USP43: variants seen among roughly 807,000 people sequenced by gnomAD.
The protein encoded by USP43 is ubiquitin carboxyl-terminal hydrolase 43.
In USP43, 33 loss-of-function variants were observed where a neutral mutation model predicts 90.7. The ratio of observed to expected loss-of-function variants is 0.36; its 90% CI spans 0.28 to 0.49. The LOEUF (loss-of-function observed/expected upper bound fraction) is 0.49, where lower values mean the gene tolerates loss of function less well. Among genes scored for constraint, USP43 ranks in the 20% least tolerant of loss-of-function variants. The pLI, the probability that USP43 is intolerant of heterozygous loss-of-function variation, is 0.98. For missense variants in USP43, 1,274 were observed against 1,476.4 expected (o/e 0.86, Z 2.25); for synonymous variants, 598 against 615.8 (o/e 0.97, Z 0.43).
intron 14 of USP43, among the ~76,000 whole-genome samples, chr17:9,712,812 T>C (rs536930310): frequency 1.4e-4 from 20 of 145,278 alleles, no homozygotes; most frequent in African/African-American, 5.3e-4. Context: ...TTTGTTTGTT[T>C]GTTAATGCTT....
intron 7 of USP43, among the ~76,000 whole-genome samples, chr17:9,683,957 G>A (rs1480651609): frequency 6.6e-6 from 1 of 152,028 alleles, no homozygotes; most frequent in East Asian, 1.9e-4. Flanking sequence ...CTAACACGGT[G>A]AAACCCCATC....
intron 1 of USP43, among the ~76,000 whole-genome samples, chr17:9,654,024 C>T (rs944665758): frequency 6.6e-6 from 1 of 152,074 alleles, no homozygotes; most frequent in African/African-American, 2.4e-5. Context: ...ATGACACCTA[C>T]ATTAAAAGGA....
At chr17:9,720,780 G>A (rs1246014267) in intron 14 of USP43, among the ~76,000 whole-genome samples, 1 of 152,158 alleles carries the variant, frequency 6.6e-6, no homozygotes, top group Non-Finnish European at 1.5e-5. Flanking sequence ...GAGCCACCAC[G>A]CCCAGCCGGG....
At chr17:9,681,137 AATATATACTATATAAT>A (rs1914161268) in intron 6 of USP43, among the ~76,000 whole-genome samples, 4 of 104,914 alleles carry the variant, frequency 3.8e-5, no homozygotes, top group African/African-American at 2.2e-4. Context: ...TATACTATAT[AATATATACTATATAAT>A]ATATACTATA....
intron 5 of USP43, 45 bp downstream of exon 5, chr17:9,676,926 G>A: frequency 6.3e-7 from 1 of 1,595,346 alleles, no homozygotes; most frequent in Non-Finnish European, 8.6e-7. Context: ...ATGATAGAAT[G>A]CTAACTGAGC....
rs1567660782 is a variant in USP43, at chr17:9,681,185, CTATATAA to C, written c.1105+826_1105+832del. Among the ~76,000 whole-genome samples, 2 of 52,670 alleles carry C rather than the reference CTATATAA, an allele frequency of 3.8e-5. 1 individual carries two copies. The highest frequency in any genetic ancestry group is 2.3e-4 in the African/African-American group (2 of 8,690). The allele number at this position is 52,670 out of a possible 152,430, so 34.6% of individuals were successfully genotyped here. A position where few individuals can be genotyped will look rare whatever the true frequency, so the allele number is the denominator to read the frequency against. ...TATATAATATATACTATATAATATA[CTATATAA>C]TATATACTATATAATATATACATTA... On this transcript the variant is annotated intron_variant, in intron 6 of 14. Transcript: ENST00000285199.
At chr17:9,646,814 A>C (rs921422281) in intron 1 of USP43, among the ~76,000 whole-genome samples, 2 of 152,168 alleles carry the variant, frequency 1.3e-5, no homozygotes, top group Non-Finnish European at 1.5e-5. Context: ...CAGCAAAGGC[A>C]GTGAGCGTGC....
In USP43 at chr17:9,654,894, C is replaced by T. The variant is rs150499099; in HGVS notation, c.505-1509C>T. On this transcript the variant is annotated intron_variant, in intron 1 of 14. Coordinates refer to ENST00000285199, the MANE Select transcript of USP43 (RefSeq NM_153210.5). ...CTGGGGTTTCAGATGTGCACCACCA[C>T]GCCCAGCTAATTTTTGTATTTGTAG... Among the ~76,000 whole-genome samples the T allele has an allele frequency of 4.0e-3, 610 of 151,578 alleles. 6 individuals carry two copies. The highest frequency in any genetic ancestry group is 0.014 in the African/African-American group (572 of 41,338).
intron 2 of USP43, among the ~76,000 whole-genome samples, chr17:9,658,751 T>C (rs1912435856): frequency 6.6e-6 from 1 of 152,202 alleles, no homozygotes. Context: ...TTTTATAACT[T>C]GTGAGTCCAA....
chr17:9,728,455 G>A lies in USP43; in HGVS notation c.2837G>A (p.Arg946Gln), dbSNP rs772161465. ...TCAGTGGAGCATGAGAAACCAGCTC[G>A]ACCGGAGGGCCAGAAGGCCATGAAC... ...MPSVEHEKPA[R>Q]PEGQKAMNWK... is the part of the protein sequence containing the mutation. The change falls in exon 15 of 15, where the codon CGA (arginine) becomes CAA (glutamine). Residue 946 changes from arginine (R) to glutamine (Q), a missense_variant. Physicochemically the swap from Arg to Gln is conservative, Grantham distance 43. Coordinates refer to ENST00000285199, the MANE Select transcript of USP43 (RefSeq NM_153210.5). This position sits in a 1 kb window ranked among gnomAD's most constrained non-coding sequence, Gnocchi z 6.2. 42 of 1,612,914 alleles carry A rather than the reference G, an allele frequency of 2.6e-5. No homozygotes were observed. In the South Asian group the frequency reaches 3.3e-4, roughly 13 times the overall value.
intron 9 of USP43, among the ~76,000 whole-genome samples, chr17:9,694,093 G>A (rs1284369962): frequency 6.6e-6 from 1 of 152,224 alleles, no homozygotes; most frequent in Non-Finnish European, 1.5e-5. Flanking sequence ...CTATGGGGCA[G>A]TTCTACTCTA....
At chr17:9,685,691 A>T (rs1489027168) in intron 7 of USP43, among the ~76,000 whole-genome samples, 1 of 152,188 alleles carries the variant, frequency 6.6e-6, no homozygotes, top group Non-Finnish European at 1.5e-5. Flanking sequence ...TTTAATCGAC[A>T]CATAATTGTA....
rs757668051 is a variant in USP43 at position 9,686,843 on chromosome 17, G to T, written c.1287G>T (p.Trp429Cys). The T allele has an allele frequency of 6.2e-7, 1 of 1,613,820 alleles. No individual in the cohort carries two copies. Among genetic ancestry groups the T allele is most frequent in the Non-Finnish European group, 8.5e-7 (1 of 1,179,860 alleles). The stretch of plus-strand genomic sequence containing the variant: ...TAAGGGAAGACAGAGCTGTTTCCTG[G>T]GCCCAGCTCCAGCAGTCTATCCTCA... The part of the protein sequence containing the change: ...FLIREDRAVS[W>C]AQLQQSILSK... Residue 429 changes from tryptophan to cysteine, a missense_variant, in exon 8 of 15, where the codon TGG becomes TGT. Transcript: ENST00000285199. The surrounding 1 kb of genome is among the most constrained non-coding windows in gnomAD (Gnocchi z 5.5).
intron 13 of USP43, among the ~76,000 whole-genome samples, chr17:9,710,925 A>G (rs1050001700): frequency 1.6e-4 from 21 of 130,412 alleles, no homozygotes; most frequent in Non-Finnish European, 1.9e-4. Context: ...ACAAGAGAGC[A>G]TTAAAAAAAA....
At chr17:9,725,026 A>G (rs1291753126) in intron 14 of USP43, among the ~76,000 whole-genome samples, 1 of 152,168 alleles carries the variant, frequency 6.6e-6, no homozygotes, top group East Asian at 1.9e-4. Flanking sequence ...TTGGCCAAAA[A>G]TAAAAAAGTC....
At chr17:9,664,604 C>G (rs1053108890) in intron 2 of USP43, among the ~76,000 whole-genome samples, 4 of 150,490 alleles carry the variant, frequency 2.7e-5, no homozygotes, top group African/African-American at 9.8e-5. Flanking sequence ...AGGTGCTGCT[C>G]TAGGGCATAT....
At chr17:9,656,280 T>G in intron 1 of USP43, 123 bp from the exon 2 acceptor site, 3 of 1,291,410 alleles carry the variant, frequency 2.3e-6, no homozygotes, top group Non-Finnish European at 3.2e-6. Flanking sequence ...CCCGGCTGTT[T>G]GTGTGCTGTC....
chr17:9,689,810 G>A (rs2151981034), intron 8 of USP43, among the ~76,000 whole-genome samples: 2 of 152,276 alleles, frequency 1.3e-5, no homozygotes, highest in East Asian at 3.9e-4. Flanking sequence ...AGATGTTGGT[G>A]CCGTAATGAT....
intron 14 of USP43, among the ~76,000 whole-genome samples, chr17:9,719,412 A>T (rs1343619459): frequency 6.6e-6 from 1 of 152,168 alleles, no homozygotes; most frequent in African/African-American, 2.4e-5. Flanking sequence ...GAGGGATGAT[A>T]ACTGTCCTGC....
Sources: gnomAD v4.1 joint callset for allele counts (sites outside exome capture counted in the v4.1 genomes callset) on GRCh38, gnomAD v4.1.1 for gene constraint, Gnocchi (gnomAD v3.1) non-coding constraint, MANE v1.5 for transcripts, NCBI Gene and HGNC (gene_info 2026-07-23, HGNC 2026-07-21) for gene names.